The following NELFE variants were observed in gnomAD, a reference collection of about 807,000 sequenced individuals.
NELFE encodes negative elongation factor complex member E.
Under a neutral mutation model 55.5 loss-of-function variants are expected in NELFE, and 26 were observed. The ratio of observed to expected loss-of-function variants is 0.47; its 90% CI spans 0.34 to 0.65. NELFE has a LOEUF of 0.65. Among genes scored for constraint, NELFE ranks in the 30% least tolerant of loss-of-function variants. NELFE has a pLI of 0.01. For synonymous variants in NELFE, 162 were observed against 178.0 expected (o/e 0.91, Z 0.72); for missense variants, 403 against 506.9 (o/e 0.80, Z 1.97).
rs1030986256 is a variant in NELFE at position 31,952,097 on chromosome 6, A to C, written c.*204T>G. 1.9e-6 allele frequency: 3 copies of C among 1,600,332 alleles called. No individual in the cohort carries two copies. The East Asian group carries it at 6.7e-5, about 36-fold the overall frequency. On this transcript the variant is annotated 3_prime_UTR_variant, in exon 11 of 11. Transcript: ENST00000375429. ...AGCTGCGACAACACCTGTGTTCCAGATCCTTTTGGGGCAAGGGAGTGGGGA... is the reference window on the plus strand; with the variant it reads ...AGCTGCGACAACACCTGTGTTCCAGCTCCTTTTGGGGCAAGGGAGTGGGGA...
At position 31,956,869 on chromosome 6, in the gene NELFE, TGGCCAAGCCATG is replaced by T. The variant is rs780774012; in HGVS notation, c.146-43_146-32del. 9.3e-6 allele frequency: 15 copies of T among 1,612,956 alleles called. No individual in the cohort carries two copies. In the African/African-American group the frequency reaches 1.7e-4, roughly 19 times the overall value. Reference sequence around the variant, plus strand: ...GAGACAAGGGGAAGAGGCATTATGTTGGCCAAGCCATGATGAAGGTCAGCTCCATGCTGCCCA... The same window carrying T: ...GAGACAAGGGGAAGAGGCATTATGTTATGAAGGTCAGCTCCATGCTGCCCA... On this transcript the variant is annotated intron_variant, in intron 3 of 10. Transcript: ENST00000375429.
At chr6:31,955,314 C>T (rs1772012558) in intron 4 of NELFE, 21 bp from the exon 5 acceptor site, 2 of 1,539,362 alleles carry the variant, frequency 1.3e-6, no homozygotes, top group Non-Finnish European at 1.7e-6. Context: ...GAGAGACCTA[C>T]CTCAGTGTGG....
chr6:31,956,471 G>A (rs898335483), intron 4 of NELFE, among the ~76,000 whole-genome samples: 2 of 152,110 alleles, frequency 1.3e-5, no homozygotes, highest in African/African-American at 4.8e-5. Context: ...ATCCCTTAGG[G>A]CAACATATTC....
At chr6:31,955,448 A>ATT (rs72274522) in intron 4 of NELFE, among the ~76,000 whole-genome samples, 155 bp from the exon 5 acceptor site, 2,571 of 122,692 alleles carry the variant, frequency 0.021, 72 homozygotes, top group African/African-American at 0.055. Flanking sequence ...GGTTTTACTT[A>ATT]TTTTTTTTTT....
In NELFE at chr6:31,954,157, C is replaced by G. The variant is rs1405580610; in HGVS notation, c.888-23G>C. The G allele has an allele frequency of 3.1e-6, 5 of 1,613,964 alleles. No homozygotes were observed. The highest frequency in any genetic ancestry group is 2.2e-5 in the East Asian group (1 of 44,878). On this transcript the variant is annotated intron_variant, in intron 8 of 10. Transcript: ENST00000375429. The surrounding 1 kb of genome is among the most constrained non-coding windows in gnomAD (Gnocchi z 5.5). ...CAGCTGGGATAAGAGAAAACACGGTCAGTGGAGAGCCAAGGGGCTCTTCTG... is the reference window on the plus strand; with the variant it reads ...CAGCTGGGATAAGAGAAAACACGGTGAGTGGAGAGCCAAGGGGCTCTTCTG...
Position 31,956,927 on chromosome 6 carries a change from C to T in NELFE, c.145+14G>A. 1 of 1,611,996 alleles carries T rather than the reference C, an allele frequency of 6.2e-7. No individual in the cohort carries two copies. The highest frequency in any genetic ancestry group is 8.5e-7 in the Non-Finnish European group (1 of 1,179,084). Reference sequence around the variant, plus strand: ...GCCCACTTCCAGTCCATCCCCATTTCCCCTGTCACTCACAGCGTTTGACAC... The same window carrying T: ...GCCCACTTCCAGTCCATCCCCATTTTCCCTGTCACTCACAGCGTTTGACAC... On this transcript the variant is annotated intron_variant, in intron 3 of 10. Transcript: ENST00000375429.
In NELFE at chr6:31,954,964, T is replaced by A; in HGVS notation, c.405-72A>T. 1.2e-6 allele frequency: 2 copies of A among 1,609,830 alleles called. No homozygotes were observed. Among genetic ancestry groups the A allele is most frequent in the South Asian group, 2.2e-5 (2 of 90,808 alleles). ...CCTCAGACCCTGTGGAGACTCAATATTCCCTCTATAGCCCAGCTCCTACAG... is the reference window on the plus strand; with the variant it reads ...CCTCAGACCCTGTGGAGACTCAATAATCCCTCTATAGCCCAGCTCCTACAG... On this transcript the variant is annotated intron_variant, in intron 6 of 10. Coordinates refer to ENST00000375429, the MANE Select transcript of NELFE (RefSeq NM_002904.6). The surrounding 1 kb of genome is among the most constrained non-coding windows in gnomAD (Gnocchi z 5.5).
At position 31,954,446 on chromosome 6, in the gene NELFE, T is replaced by G; in HGVS notation, c.743-4A>C. Reference sequence around the variant, plus strand: ...CGTTCAGGGAATGAATCCGACCCTTTGGGAGCACAAATCATAGTCACAAGA... The same window carrying G: ...CGTTCAGGGAATGAATCCGACCCTTGGGGAGCACAAATCATAGTCACAAGA... On this transcript the variant is annotated splice_polypyrimidine_tract_variant and splice_region_variant and intron_variant, in intron 7 of 10. Coordinates refer to ENST00000375429, the MANE Select transcript of NELFE (RefSeq NM_002904.6). This position sits in a 1 kb window ranked among gnomAD's most constrained non-coding sequence, Gnocchi z 5.5. The G allele has an allele frequency of 6.3e-7, 1 of 1,594,776 alleles. No homozygotes were observed. The highest frequency in any genetic ancestry group is 8.6e-7 in the Non-Finnish European group (1 of 1,169,234).
At chr6:31,955,013 C>G in intron 6 of NELFE, 46 bp downstream of exon 6, 1 of 1,613,446 alleles carries the variant, frequency 6.2e-7, no homozygotes, top group Non-Finnish European at 8.5e-7. Flanking sequence ...AGGACTCAGG[C>G]AATCAACTCC....
intron 2 of NELFE, among the ~76,000 whole-genome samples, chr6:31,958,030 T>G (rs1196240006): frequency 6.6e-6 from 1 of 152,220 alleles, no homozygotes; most frequent in Non-Finnish European, 1.5e-5. Context: ...TCAATCTTAT[T>G]TGGAAGATCA....
intron 4 of NELFE, 97 bp from the exon 5 acceptor site, chr6:31,955,390 C>T (rs1772016016): frequency 5.3e-6 from 4 of 757,570 alleles, no homozygotes; most frequent in Admixed American, 5.4e-5. Context: ...TAGGTTTCCT[C>T]TGATCTTTTC....
In NELFE at chr6:31,955,327, C is replaced by G. The variant is rs769069133; in HGVS notation, c.292-34G>C. 5 of 1,505,418 alleles carry G rather than the reference C, an allele frequency of 3.3e-6. No homozygotes were observed. The South Asian group carries it at 5.3e-5, about 16-fold the overall frequency. The allele number at this position is 1,505,418 out of a possible 1,614,324, so 93.3% of individuals were successfully genotyped here. Reference sequence around the variant, plus strand: ...GTGAGAGACCTACCTCAGTGTGGAGCAGGAGGTTGCCCAACCATGGACCAG... The same window carrying G: ...GTGAGAGACCTACCTCAGTGTGGAGGAGGAGGTTGCCCAACCATGGACCAG... On this transcript the variant is annotated intron_variant, in intron 4 of 10. Coordinates refer to ENST00000375429, the MANE Select transcript of NELFE (RefSeq NM_002904.6).
chr6:31,952,514 G>A (rs558251747), intron 10 of NELFE, 116 bp from the exon 11 acceptor site: 6 of 680,706 alleles, frequency 8.8e-6, no homozygotes, highest in Admixed American at 3.3e-5. Context: ...CAGTTTCCAC[G>A]CTGCCCTCTG....
At chr6:31,955,159 A>G in intron 5 of NELFE, 60 bp downstream of exon 5, 1 of 1,611,968 alleles carries the variant, frequency 6.2e-7, no homozygotes, top group Non-Finnish European at 8.5e-7. Flanking sequence ...TCCAAAATAT[A>G]TTTGTCTCTC....
chr6:31,954,201 G>T lies in NELFE; in HGVS notation c.888-67C>A. 6.2e-7 allele frequency: 1 copy of T among 1,610,150 alleles called. No individual in the cohort carries two copies. The highest frequency in any genetic ancestry group is 8.5e-7 in the Non-Finnish European group (1 of 1,176,632). On this transcript the variant is annotated intron_variant, in intron 8 of 10. Coordinates refer to ENST00000375429, the MANE Select transcript of NELFE (RefSeq NM_002904.6). This position sits in a 1 kb window ranked among gnomAD's most constrained non-coding sequence, Gnocchi z 5.5. ...TCTTCTGGACCCAACCAAACCCAGT[G>T]ATAATAGGCGGCTGCAGGGAGGGCA...
rs774058430 is a variant in NELFE at position 31,954,763 on chromosome 6, G to T, written c.534C>A (p.Ser178=). 1 of 1,613,200 alleles carries T rather than the reference G, an allele frequency of 6.2e-7. No homozygotes were observed. Among genetic ancestry groups the T allele is most frequent in the Admixed American group, 1.7e-5 (1 of 60,026 alleles). The change falls in exon 7 of 11, where the codon TCC becomes TCA. Residue 178 remains serine (S), a synonymous_variant. Transcript: ENST00000375429. The surrounding 1 kb of genome is among the most constrained non-coding windows in gnomAD (Gnocchi z 5.5). ...TGCGGCTTCGGGGAGGGGAGGCTGA[G>T]GAGTGGGCACCACTGCGTTCTTCAT... ...WGYEERSGAH[S]SASPPRSRSR...
intron 4 of NELFE, among the ~76,000 whole-genome samples, chr6:31,956,462 T>C (rs1772094297): frequency 6.6e-6 from 1 of 152,168 alleles, no homozygotes; most frequent in Admixed American, 6.5e-5. Context: ...GCCCTTTCCA[T>C]CCCTTAGGGC....
chr6:31,955,108 A>G lies in NELFE; in HGVS notation c.367-12T>C. 6.2e-7 allele frequency: 1 copy of G among 1,613,058 alleles called. No homozygotes were observed. The highest frequency in any genetic ancestry group is 8.5e-7 in the Non-Finnish European group (1 of 1,180,004). On this transcript the variant is annotated splice_polypyrimidine_tract_variant and intron_variant, in intron 5 of 10. Coordinates refer to ENST00000375429, the MANE Select transcript of NELFE (RefSeq NM_002904.6). The stretch of plus-strand genomic sequence containing the variant: ...GGACGTCTGGATGACTGTAAAAGAG[A>G]CCAAGAACAGTTAAGATGATTTCCA...
intron 1 of NELFE, 99 bp from the exon 2 acceptor site, chr6:31,958,553 C>G: frequency 1.0e-6 from 1 of 977,280 alleles, no homozygotes; most frequent in Non-Finnish European, 1.6e-6. Flanking sequence ...TTCAGGTCTG[C>G]CTACTCTTGT....
Sources: allele counts gnomAD v4.1 joint callset (sites outside exome capture counted in the v4.1 genomes callset), GRCh38; gene constraint gnomAD v4.1.1; non-coding constraint Gnocchi (gnomAD v3.1); transcripts MANE v1.5; gene names NCBI Gene and HGNC (gene_info 2026-07-23, HGNC 2026-07-21).